Variants in DUOX1 observed in about 807,000 individuals in gnomAD.
DUOX1 encodes dual oxidase 1, also known as NADPH thyroid oxidase 1.
In DUOX1, 134 loss-of-function variants were observed where a neutral mutation model predicts 181.8. The observed-to-expected ratio is 0.74, with a 90% CI of 0.64 to 0.85. The LOEUF is 0.85. DUOX1 is among the 40% of genes least tolerant of loss of function. The probability of loss-of-function intolerance (pLI) is 0.00; values close to 1 mark genes in which losing one functional copy is unlikely to be tolerated. For synonymous variants in DUOX1, 798 were observed against 832.5 expected, an observed-to-expected ratio of 0.96 and a Z score of 0.71; for missense variants, 1,814 against 2,064.4, an observed-to-expected ratio of 0.88 and a Z score of 2.35.
chr15:45,136,261 C>A, intron 7 of DUOX1, 89 bp from the exon 8 acceptor site: 1 of 1,594,074 alleles, frequency 6.3e-7, no homozygotes, highest in Non-Finnish European at 8.6e-7. Context: ...TGGTCCTCAT[C>A]TCCACACGGA....
Position 45,141,888 on chromosome 15 carries a change from CCT to C in DUOX1, c.1685-86_1685-85del. 2.0e-6 allele frequency: 3 copies of C among 1,490,622 alleles called. No individual in the cohort carries two copies. In the South Asian group the frequency reaches 4.0e-5, roughly 20 times the overall value. The allele number at this position is 1,490,622 out of a possible 1,614,324, so 92.3% of individuals were successfully genotyped here. On this transcript the variant is annotated intron_variant, in intron 14 of 33. Transcript: ENST00000389037. ...TCAGCTACCCAGAGTGCCCCCACCCCCTTTCTGCCACCCTAACCTCCTCCGTG... is the reference window on the plus strand; with the variant it reads ...TCAGCTACCCAGAGTGCCCCCACCCCTTCTGCCACCCTAACCTCCTCCGTG...
Position 45,135,217 on chromosome 15 carries a change from G to A in DUOX1, c.421G>A (p.Asp141Asn), listed in dbSNP as rs779630480. 2.9e-5 allele frequency: 46 copies of A among 1,613,524 alleles called. No individual in the cohort carries two copies. The highest frequency in any genetic ancestry group is 3.7e-5 in the Non-Finnish European group (44 of 1,180,012). The change falls in exon 5 of 34, where the codon GAC (aspartate) becomes AAC (asparagine). Residue 141 changes from aspartate (D) to asparagine (N), a missense_variant. By Grantham distance (23) the Asp-to-Asn change is conservative. Coordinates refer to ENST00000389037, the MANE Select transcript of DUOX1 (RefSeq NM_175940.3). Reference sequence around the variant, plus strand: ...CATGTTCGACCCCGACCAGCGCGGGGACGTGGTGCTGCCCTTCCAGAGAAG... The same window carrying A: ...CATGTTCGACCCCGACCAGCGCGGGAACGTGGTGCTGCCCTTCCAGAGAAG... ...DPMFDPDQRG[D>N]VVLPFQRSRW...
At position 45,154,144 on chromosome 15, in the gene DUOX1, T is replaced by G. The variant is rs971261563; in HGVS notation, c.3574+144T>G. ...CTGTCCTCTGGCCTGAGGACACTAC[T>G]GGGTGGGCAGGAGACTTAGACTACT... On this transcript the variant is annotated intron_variant, in intron 27 of 33. Coordinates refer to ENST00000389037, the MANE Select transcript of DUOX1 (RefSeq NM_175940.3). 6 of 756,878 alleles carry G rather than the reference T, an allele frequency of 7.9e-6. No homozygotes were observed. The African/African-American group carries it at 8.6e-5, about 11-fold the overall frequency. The allele number at this position is 756,878 out of a possible 1,614,324, so 46.9% of individuals were successfully genotyped here. A position where few individuals can be genotyped will look rare whatever the true frequency, so the allele number is the denominator to read the frequency against.
intron 28 of DUOX1, among the ~76,000 whole-genome samples, chr15:45,157,668 A>T (rs1896997155): frequency 6.6e-6 from 1 of 151,910 alleles, no homozygotes; most frequent in South Asian, 2.1e-4. Context: ...AAAATACAAA[A>T]ATTAGCTGAG....
chr15:45,148,535 T>C (rs1896720167), intron 21 of DUOX1, 88 bp downstream of exon 21: 2 of 1,408,082 alleles, frequency 1.4e-6, no homozygotes, highest in African/African-American at 2.9e-5. Flanking sequence ...ACAGAAATGT[T>C]TTAATTTCCA....
At position 45,164,793 on chromosome 15, in the gene DUOX1, G is replaced by A. The variant is rs746039345; in HGVS notation, c.4548G>A (p.Gly1516=). 1.2e-6 allele frequency: 2 copies of A among 1,614,146 alleles called. No homozygotes were observed. Among genetic ancestry groups the A allele is most frequent in the Middle Eastern group, 3.3e-4 (2 of 6,062 alleles). The change falls in exon 34 of 34, where the codon GGG becomes GGA. Residue 1516 remains glycine (G), a synonymous_variant. Transcript: ENST00000389037. ...TCCTGCAACAGGTCCGGAAGATCGG[G>A]GTGTTTAGCTGTGGCCCCCCTGGCA... is the stretch of plus-strand genomic sequence containing the variant. ...QEVHPQVRKI[G]VFSCGPPGMT...
At chr15:45,164,063 G>A in intron 33 of DUOX1, 145 bp downstream of exon 33, 1 of 1,308,218 alleles carries the variant, frequency 7.6e-7, no homozygotes. Context: ...GAATGGAAAG[G>A]ATAGGTGGGT....
intron 21 of DUOX1, among the ~76,000 whole-genome samples, chr15:45,149,924 CA>C (rs1896760181): frequency 6.6e-6 from 1 of 152,228 alleles, no homozygotes; most frequent in South Asian, 2.1e-4. Flanking sequence ...GTTTGTGGAA[CA>C]TTTGAGAGTA....
At chr15:45,136,432 A>C (rs1289416694) in intron 8 of DUOX1, 22 bp downstream of exon 8, 2 of 1,571,022 alleles carry the variant, frequency 1.3e-6, no homozygotes, top group Admixed American at 3.3e-5. Flanking sequence ...GGGAAGGAGG[A>C]TGGGAGGGCT....
intron 28 of DUOX1, among the ~76,000 whole-genome samples, chr15:45,158,905 G>A (rs1288077503): frequency 2.6e-5 from 4 of 152,122 alleles, no homozygotes; most frequent in Non-Finnish European, 5.9e-5. Context: ...TTGCTGAGCG[G>A]AGTGTTCCAA....
chr15:45,152,607 T>A, intron 25 of DUOX1, 91 bp downstream of exon 25: 1 of 1,205,348 alleles, frequency 8.3e-7, no homozygotes, highest in African/African-American at 1.5e-5. Flanking sequence ...TGCTGGCACT[T>A]ACCTTTAATG....
At chr15:45,150,757 C>T in intron 22 of DUOX1, 56 bp downstream of exon 22, 1 of 1,553,236 alleles carries the variant, frequency 6.4e-7, no homozygotes, top group Non-Finnish European at 8.9e-7. Flanking sequence ...CCATTTCTCT[C>T]CCCTGAATGG....
chr15:45,154,139 A>G, intron 27 of DUOX1, 139 bp downstream of exon 27: 1 of 779,754 alleles, frequency 1.3e-6, no homozygotes, highest in Non-Finnish European at 2.2e-6. Flanking sequence ...GCCTGAGGAC[A>G]CTACTGGGTG....
chr15:45,147,752 G>T (rs981443867), intron 19 of DUOX1, 94 bp downstream of exon 19: 29 of 1,564,626 alleles, frequency 1.9e-5, no homozygotes, highest in Non-Finnish European at 2.4e-5. Context: ...CATGGCAGAT[G>T]CCCAGAAGTG....
intron 2 of DUOX1, among the ~76,000 whole-genome samples, chr15:45,133,642 T>C (rs1896208716): frequency 6.6e-6 from 1 of 152,188 alleles, no homozygotes; most frequent in Non-Finnish European, 1.5e-5. Flanking sequence ...GCTTTTTGGC[T>C]CCCTGCCATG....
chr15:45,139,559 G>A lies in DUOX1; in HGVS notation c.1349G>A (p.Trp450Ter). Residue 450 changes from tryptophan to a stop codon, truncating the protein, a stop_gained, in exon 12 of 34, where the codon TGG becomes TAG. Transcript: ENST00000389037. LOFTEE classifies it high-confidence loss of function. ...CTGGGCTTGTCTCCCATTACCCGCT[G>A]GCAGGACATCAACCCTGCACTCTCC... ...AALGLSPITRWQDINPALSRS... is the reference protein window; with the variant it reads ...AALGLSPITR 1.2e-6 allele frequency: 2 copies of A among 1,611,166 alleles called. No individual in the cohort carries two copies. The highest frequency in any genetic ancestry group is 1.7e-6 in the Non-Finnish European group (2 of 1,178,754).
rs186783799 is a variant in DUOX1, at chr15:45,163,827, G to T, written c.4442G>T (p.Arg1481Leu). 1 of 1,613,968 alleles carries T rather than the reference G, an allele frequency of 6.2e-7. No homozygotes were observed. Among genetic ancestry groups the T allele is most frequent in the Non-Finnish European group, 8.5e-7 (1 of 1,180,022 alleles). The change falls in exon 33 of 34, where the codon CGG becomes CTG. Residue 1481 changes from arginine to leucine, a missense_variant. Physicochemically the swap from Arg to Leu is moderately radical, Grantham distance 102 (BLOSUM62 -2). Coordinates refer to ENST00000389037, the MANE Select transcript of DUOX1 (RefSeq NM_175940.3). Reference protein sequence around the residue: ...CERHFQKVLNRSLFTGLRSIT... With the variant: ...CERHFQKVLNLSLFTGLRSIT... Reference sequence around the variant, plus strand: ...CGGCACTTCCAGAAGGTTCTGAACCGGAGTCTATTCACAGGCCTGCGCTCC... The same window carrying T: ...CGGCACTTCCAGAAGGTTCTGAACCTGAGTCTATTCACAGGCCTGCGCTCC...
intron 25 of DUOX1, 134 bp from the exon 26 acceptor site, chr15:45,153,241 AAAAAG>A: frequency 9.1e-6 from 4 of 440,908 alleles, no homozygotes; most frequent in East Asian, 7.5e-5. Context: ...AAAAAAAAAA[AAAAAG>A]AGGTCAGAAG....
At chr15:45,133,742 A>T in intron 2 of DUOX1, 122 bp from the exon 3 acceptor site, 1 of 803,504 alleles carries the variant, frequency 1.2e-6, no homozygotes, top group Non-Finnish European at 2.1e-6. Flanking sequence ...TCTCACATCC[A>T]CTTCAGGTAT....
Sources: allele counts gnomAD v4.1 joint callset (sites outside exome capture counted in the v4.1 genomes callset), GRCh38; gene constraint gnomAD v4.1.1; transcripts MANE v1.5; gene names NCBI Gene and HGNC (gene_info 2026-07-23, HGNC 2026-07-21).